ZNF267: variants seen among roughly 807,000 people sequenced by gnomAD.
ZNF267 encodes zinc finger (C2H2).
ZNF267 carries 61 observed loss-of-function variants against 71.6 expected under a neutral mutation model. The observed-to-expected ratio is 0.85, with a 90% confidence interval of 0.69 to 1.05. The LOEUF (loss-of-function observed/expected upper bound fraction) is 1.05, where lower values mean the gene tolerates loss of function less well. ZNF267 is among the 50% of genes least tolerant of loss of function. The pLI is 0.00. For synonymous variants in ZNF267, 288 were observed against 293.2 expected, an observed-to-expected ratio of 0.98 and a Z score of 0.18; for missense variants, 852 against 870.0, an observed-to-expected ratio of 0.98 and a Z score of 0.26.
At position 31,912,034 on chromosome 16, in the gene ZNF267, T is replaced by G. The variant is rs188027112; in HGVS notation, c.227-2442T>G. The G allele has an allele frequency of 6.7e-4, 102 of 151,806 alleles. 2 individuals are homozygous for G. Among genetic ancestry groups the G allele is most frequent in the African/African-American group, 2.4e-3 (97 of 41,130 alleles). The allele number at this position is 151,806 out of a possible 1,614,324, so 9.4% of individuals were successfully genotyped here. A position where few individuals can be genotyped will look rare whatever the true frequency, so the allele number is the denominator to read the frequency against. ...TTGTACTGTCTTTGTCTTGAAACAT[T>G]GTTGTAGTTGTATTGAGTCATCATT... On this transcript the variant is annotated intron_variant, in intron 3 of 3. Transcript: ENST00000300870.
In ZNF267 at chr16:31,914,730, A is replaced by C; in HGVS notation, c.481A>C (p.Asn161His). 6.2e-7 allele frequency: 1 copy of C among 1,614,140 alleles called. No homozygotes were observed. The change falls in exon 4 of 4, where the codon AAC becomes CAC. Residue 161 changes from asparagine to histidine, a missense_variant. Coordinates refer to ENST00000300870, the MANE Select transcript of ZNF267 (RefSeq NM_003414.6). The part of the protein sequence containing the change: ...QILSSCAKSY[N>H]FDQYRKVFTH... ...ACTTTCTTCTTGTGCCAAAAGCTATAACTTTGATCAATATAGGAAGGTCTT... is the reference window on the plus strand; with the variant it reads ...ACTTTCTTCTTGTGCCAAAAGCTATCACTTTGATCAATATAGGAAGGTCTT...
rs1567239651 is a variant in ZNF267, at chr16:31,914,849, C to T, written c.600C>T (p.Val200=). 1 of 1,610,976 alleles carries T rather than the reference C, an allele frequency of 6.2e-7. No individual in the cohort carries two copies. Among genetic ancestry groups the T allele is most frequent in the Non-Finnish European group, 8.5e-7 (1 of 1,179,146 alleles). ...AAACTTCAGTGTTATTTAGGCAGGT[C>T]TCTACTCTAAATAGTTACCGAAATG... The part of the protein sequence containing the change: ...YDKTSVLFRQ[V]STLNSYRNVF... The change falls in exon 4 of 4, where the codon GTC becomes GTT. Residue 200 remains valine, a synonymous_variant. Transcript: ENST00000300870.
chr16:31,897,324 A>T (rs1046304284), intron 3 of ZNF267, among the ~76,000 whole-genome samples: 2 of 152,130 alleles, frequency 1.3e-5, no homozygotes, highest in African/African-American at 4.8e-5. Context: ...ATTCTTTCCC[A>T]TGCAAATTTC....
At chr16:31,873,999 G>A (rs1489739955) in intron 1 of ZNF267, 30 bp downstream of exon 1, 3 of 1,604,676 alleles carry the variant, frequency 1.9e-6, no homozygotes, top group Middle Eastern at 1.7e-4. Flanking sequence ...GGTCCCCAGA[G>A]GGAGGGAGGG....
chr16:31,891,389 A>G (rs1209666970), intron 3 of ZNF267, among the ~76,000 whole-genome samples: 1 of 152,194 alleles, frequency 6.6e-6, no homozygotes, highest in Non-Finnish European at 1.5e-5. Context: ...GTATTAGTGT[A>G]TTCTGAATTT....
intron 3 of ZNF267, among the ~76,000 whole-genome samples, chr16:31,888,531 T>C (rs185724925): frequency 4.5e-4 from 69 of 152,254 alleles, no homozygotes; most frequent in African/African-American, 1.6e-3. Context: ...GTTTTTATTA[T>C]GAAAATGTAT....
At chr16:31,881,550 T>TAGA (rs1466285606) in intron 1 of ZNF267, among the ~76,000 whole-genome samples, 1 of 152,184 alleles carries the variant, frequency 6.6e-6, no homozygotes, top group African/African-American at 2.4e-5. Context: ...CCAGTACCTT[T>TAGA]AGAAACATTC....
At chr16:31,910,695 A>G (rs964572702) in intron 3 of ZNF267, among the ~76,000 whole-genome samples, 1 of 150,122 alleles carries the variant, frequency 6.7e-6, no homozygotes, top group Non-Finnish European at 1.5e-5. Context: ...TCAACTTTTC[A>G]TTTCATTGAT....
At chr16:31,898,361 T>C (rs1403845879) in intron 3 of ZNF267, among the ~76,000 whole-genome samples, 2 of 152,176 alleles carry the variant, frequency 1.3e-5, no homozygotes, top group Non-Finnish European at 2.9e-5. Context: ...GGGTCTTTTA[T>C]TGAAAGCATA....
At chr16:31,879,084 G>A (rs193078969) in intron 1 of ZNF267, among the ~76,000 whole-genome samples, 3 of 152,236 alleles carry the variant, frequency 2.0e-5, no homozygotes, top group Non-Finnish European at 4.4e-5. Context: ...CTTTCTCTAG[G>A]AACTGGGAAT....
intron 1 of ZNF267, among the ~76,000 whole-genome samples, chr16:31,880,750 A>G (rs892340149): frequency 3.3e-5 from 5 of 152,188 alleles, no homozygotes; most frequent in African/African-American, 9.7e-5. Flanking sequence ...TTGGTATCCA[A>G]GTGGGAGTTG....
intron 3 of ZNF267, among the ~76,000 whole-genome samples, chr16:31,908,544 C>G (rs778321234): frequency 2.6e-5 from 4 of 152,098 alleles, no homozygotes; most frequent in Non-Finnish European, 4.4e-5. Context: ...ATCTTAAAGT[C>G]CTTAATCCAT....
chr16:31,890,072 A>G (rs1335854640), intron 3 of ZNF267: 1 of 152,198 alleles, frequency 6.6e-6, no homozygotes, highest in Non-Finnish European at 1.5e-5. Context: ...AGAATATTCC[A>G]TGTATTCTTG....
intron 3 of ZNF267, among the ~76,000 whole-genome samples, chr16:31,899,997 T>TAC (rs530697331): frequency 0.021 from 3,124 of 150,984 alleles, 102 homozygotes; most frequent in African/African-American, 0.07. Context: ...CATATATATA[T>TAC]ACACACACAC....
rs2041749332 is a variant in ZNF267 at position 31,916,287 on chromosome 16, A to C, written c.2038A>C (p.Arg680=). ...NSRSYLTTHR[R]RHTGERPYKC... ...TAGGTCATACCTCACTACACATCGGAGAAGACATACTGGAGAGAGACCCTA... is the reference window on the plus strand; with the variant it reads ...TAGGTCATACCTCACTACACATCGGCGAAGACATACTGGAGAGAGACCCTA... The change falls in exon 4 of 4, where the codon AGA becomes CGA. Residue 680 remains arginine (R), a synonymous_variant. Coordinates refer to ENST00000300870, the MANE Select transcript of ZNF267 (RefSeq NM_003414.6). 3 of 1,613,974 alleles carry C rather than the reference A, an allele frequency of 1.9e-6. No homozygotes were observed. The highest frequency in any genetic ancestry group is 1.3e-5 in the African/African-American group (1 of 74,920).
At chr16:31,874,166 T>A (rs2083835152) in intron 1 of ZNF267, 197 bp downstream of exon 1, 1 of 568,562 alleles carries the variant, frequency 1.8e-6, no homozygotes, top group Non-Finnish European at 3.1e-6. Context: ...ACCCCGCGTG[T>A]CCTGTCCCAT....
At position 31,914,549 on chromosome 16, in the gene ZNF267, G is replaced by A. The variant is rs1192047668; in HGVS notation, c.300G>A (p.Ser100=). ...AAGCTTCATTCCAAAAAGTGATATCGAGGAGACATGGGAGCTGTGATCTTG... is the reference window on the plus strand; with the variant it reads ...AAGCTTCATTCCAAAAAGTGATATCAAGGAGACATGGGAGCTGTGATCTTG... ...CTEASFQKVI[S]RRHGSCDLEN... Residue 100 remains serine (S), a synonymous_variant, in exon 4 of 4, where the codon TCG becomes TCA. Coordinates refer to ENST00000300870, the MANE Select transcript of ZNF267 (RefSeq NM_003414.6). The A allele has an allele frequency of 2.5e-6, 4 of 1,613,930 alleles. No individual in the cohort carries two copies. Among genetic ancestry groups the A allele is most frequent in the African/African-American group, 2.7e-5 (2 of 74,894 alleles).
chr16:31,909,342 A>G (rs1446799767), intron 3 of ZNF267, among the ~76,000 whole-genome samples: 2 of 151,782 alleles, frequency 1.3e-5, no homozygotes, highest in Non-Finnish European at 2.9e-5. Context: ...CATGTTGACT[A>G]TGCTGGTCTC....
chr16:31,914,205 A>G (rs1449492205), intron 3 of ZNF267: 1 of 372,608 alleles, frequency 2.7e-6, no homozygotes, highest in East Asian at 4.6e-5. Flanking sequence ...CGTCTCCCAA[A>G]TGAACAGATT....
Sources: allele counts gnomAD v4.1 joint callset (sites outside exome capture counted in the v4.1 genomes callset), GRCh38; gene constraint gnomAD v4.1.1; transcripts MANE v1.5; gene names NCBI Gene and HGNC (gene_info 2026-07-23, HGNC 2026-07-21).